Variants in TBC1D32 observed in about 807,000 individuals in gnomAD.
The protein encoded by TBC1D32 is protein broad-minded.
TBC1D32 carries 151 observed loss-of-function variants against 170.3 expected under a neutral mutation model. That is an observed-to-expected ratio of 0.89 (90% CI 0.78 to 1.01). The LOEUF is 1.01. Among genes scored for constraint, TBC1D32 ranks in the 50% least tolerant of loss-of-function variants. TBC1D32 has a pLI of 0.00. For synonymous variants in TBC1D32, 498 were observed against 488.0 expected, an observed-to-expected ratio of 1.02 and a Z score of -0.27; for missense variants, 1,464 against 1,457.1, an observed-to-expected ratio of 1.00 and a Z score of -0.08.
intron 21 of TBC1D32, among the ~76,000 whole-genome samples, chr6:121,222,418 T>C (rs547332544): frequency 9.9e-5 from 15 of 152,244 alleles, no homozygotes; most frequent in Admixed American, 9.8e-4. Context: ...GAAAAGAAGA[T>C]AAGAGAATCT....
chr6:121,081,384 C>T (rs1775629890), intron 31 of TBC1D32, among the ~76,000 whole-genome samples: 1 of 152,124 alleles, frequency 6.6e-6, no homozygotes. Context: ...CCAAACGAGA[C>T]ACTCAAGAAT....
At chr6:121,151,538 G>T (rs539459916) in intron 24 of TBC1D32, among the ~76,000 whole-genome samples, 179 of 152,168 alleles carry the variant, frequency 1.2e-3, no homozygotes, top group African/African-American at 4.3e-3. Context: ...ACAGCTGAGT[G>T]CAAGTCCTGA....
upstream of TBC1D32, chr6:121,334,484 G>C (rs1279708692): frequency 1.3e-6 from 2 of 1,553,494 alleles, no homozygotes; most frequent in Admixed American, 3.9e-5. Flanking sequence ...CAAAAGCCGC[G>C]CACTGCGCAC....
intron 17 of TBC1D32, among the ~76,000 whole-genome samples, chr6:121,245,425 G>A (rs978714031): frequency 3.3e-5 from 5 of 152,116 alleles, no homozygotes; most frequent in Non-Finnish European, 7.4e-5. Flanking sequence ...CACATCAAGG[G>A]AACACCCTGT....
intron 29 of TBC1D32, chr6:121,112,283 G>T: frequency 3.3e-6 from 1 of 306,958 alleles, no homozygotes; most frequent in Non-Finnish European, 5.8e-6. Context: ...TCATGAAAAT[G>T]CTTCTAATAT....
intron 26 of TBC1D32, among the ~76,000 whole-genome samples, chr6:121,119,420 A>C (rs1268613137): frequency 2.0e-5 from 3 of 152,152 alleles, no homozygotes; most frequent in African/African-American, 7.2e-5. Context: ...AGAAAATATA[A>C]AAGGTGTTTA....
At chr6:121,283,986 A>T in intron 12 of TBC1D32, 76 bp from the exon 13 acceptor site, 1 of 1,062,080 alleles carries the variant, frequency 9.4e-7, no homozygotes, top group Non-Finnish European at 1.4e-6. Context: ...CTGAGCTTTC[A>T]TCCATCTATA....
chr6:121,115,786 CT>C (rs1779626892), intron 26 of TBC1D32: 2 of 152,302 alleles, frequency 1.3e-5, no homozygotes, highest in Admixed American at 1.3e-4. Flanking sequence ...ATATTTTATA[CT>C]GTAATATATC....
intron 21 of TBC1D32, among the ~76,000 whole-genome samples, chr6:121,211,828 C>T (rs1325245439): frequency 1.3e-5 from 2 of 152,124 alleles, no homozygotes; most frequent in Non-Finnish European, 2.9e-5. Context: ...CACCCTGGAG[C>T]CCCCTACTCT....
chr6:121,276,376 G>T lies in TBC1D32; in HGVS notation c.1733+2745C>A, dbSNP rs557223020. On this transcript the variant is annotated intron_variant, in intron 15 of 31. Coordinates refer to ENST00000398212, the MANE Select transcript of TBC1D32 (RefSeq NM_152730.6). ...ATAATTAGCAATTACAACTAATTCT[G>T]TTGTAAATGTATATTACAAACTTAA... Among the ~76,000 whole-genome samples the T allele has an allele frequency of 1.9e-3, 291 of 152,096 alleles. 1 individual carries two copies. The highest frequency in any genetic ancestry group is 6.5e-3 in the African/African-American group (270 of 41,512).
At chr6:121,290,135 CA>C (rs1418142226) in intron 12 of TBC1D32, among the ~76,000 whole-genome samples, 2 of 152,104 alleles carry the variant, frequency 1.3e-5, no homozygotes, top group African/African-American at 4.8e-5. Flanking sequence ...CAACAAAAGA[CA>C]AAATTGACAA....
chr6:121,272,689 A>G (rs1403883311), intron 15 of TBC1D32, among the ~76,000 whole-genome samples: 1 of 152,096 alleles, frequency 6.6e-6, no homozygotes, highest in Admixed American at 6.5e-5. Flanking sequence ...ACCATTGTGG[A>G]AGACAGTGTG....
intron 24 of TBC1D32, among the ~76,000 whole-genome samples, 177 bp from the exon 25 acceptor site, chr6:121,131,929 A>C (rs1781483747): frequency 6.6e-6 from 1 of 151,998 alleles, no homozygotes; most frequent in Admixed American, 6.5e-5. Flanking sequence ...TACATGTATT[A>C]AAAGTTGACA....
intron 22 of TBC1D32, among the ~76,000 whole-genome samples, chr6:121,162,449 C>T (rs1029024833): frequency 6.6e-6 from 1 of 152,118 alleles, no homozygotes; most frequent in Non-Finnish European, 1.5e-5. Context: ...CAGTATCATA[C>T]TAAATGAGCA....
At chr6:121,276,061 A>G (rs1029038968) in intron 15 of TBC1D32, among the ~76,000 whole-genome samples, 1 of 145,116 alleles carries the variant, frequency 6.9e-6, no homozygotes, top group Non-Finnish European at 1.5e-5. Flanking sequence ...CAGACATTGC[A>G]GTGAGCCGAG....
At chr6:121,250,488 CAT>C (rs1326128640) in intron 17 of TBC1D32, among the ~76,000 whole-genome samples, 1 of 152,138 alleles carries the variant, frequency 6.6e-6, no homozygotes, top group African/African-American at 2.4e-5. Flanking sequence ...ACAAAAATCA[CAT>C]GATTATCTCA....
rs760360569 is a variant in TBC1D32 at position 121,112,653 on chromosome 6, A to C, written c.3176T>G (p.Leu1059Arg). 2 of 1,566,346 alleles carry C rather than the reference A, an allele frequency of 1.3e-6. No homozygotes were observed. Among genetic ancestry groups the C allele is most frequent in the East Asian group, 4.7e-5 (2 of 42,474 alleles). The change falls in exon 29 of 32, where the codon CTG becomes CGG. Residue 1059 changes from leucine (L) to arginine (R), a missense_variant. Physicochemically the swap from Leu to Arg is moderately radical, Grantham distance 102. Transcript: ENST00000398212. ...QTSIKSSLLC[L>R]QGNYAGHDWF... ...GTCATGGCCAGCATAATTCCCTTGC[A>C]GGCAGACTGAAAAACACAGTTAAGA...
chr6:121,218,065 G>T (rs1794050909), intron 21 of TBC1D32, among the ~76,000 whole-genome samples: 1 of 152,124 alleles, frequency 6.6e-6, no homozygotes, highest in South Asian at 2.1e-4. Context: ...TGTCTGGTAG[G>T]GTTCTAAATA....
intron 24 of TBC1D32, among the ~76,000 whole-genome samples, chr6:121,136,185 G>A (rs1782055363): frequency 6.6e-6 from 1 of 152,120 alleles, no homozygotes; most frequent in African/African-American, 2.4e-5. Flanking sequence ...CAAACCAAAA[G>A]TAGATGTTTA....
Sources: allele counts gnomAD v4.1 joint callset (sites outside exome capture counted in the v4.1 genomes callset), GRCh38; gene constraint gnomAD v4.1.1; transcripts MANE v1.5; gene names NCBI Gene and HGNC (gene_info 2026-07-23, HGNC 2026-07-21).